The following PAPLN variants were observed in gnomAD, a reference collection of about 807,000 sequenced individuals.
The protein encoded by PAPLN is papilin.
Under a neutral mutation model 159.0 loss-of-function variants are expected in PAPLN, and 146 were observed. The ratio of observed to expected loss-of-function variants is 0.92; its 90% CI spans 0.80 to 1.05. PAPLN has a LOEUF of 1.05. PAPLN is among the 50% of genes least tolerant of loss of function. The pLI, the probability that PAPLN is intolerant of heterozygous loss-of-function variation, is 0.00. For synonymous variants in PAPLN, 734 were observed against 702.9 expected (o/e 1.04, Z -0.70); for missense variants, 1,720 against 1,743.9 (o/e 0.99, Z 0.24).
Position 73,245,948 on chromosome 14 carries a change from A to G in PAPLN, c.232-125A>G. 1 of 1,035,554 alleles carries G rather than the reference A, an allele frequency of 9.7e-7. No homozygotes were observed. Among genetic ancestry groups the G allele is most frequent in the South Asian group, 1.7e-5 (1 of 58,626 alleles). The allele number at this position is 1,035,554 out of a possible 1,614,324, so 64.1% of individuals were successfully genotyped here. ...TTCGGGGGTCCGGGGGGCGGACTCC[A>G]CCTCCGGCGGCTCCGATGGGGCAGG... On this transcript the variant is annotated intron_variant, in intron 4 of 26. Coordinates refer to ENST00000644200, the MANE Select transcript of PAPLN (RefSeq NM_001365906.3). The surrounding 1 kb of genome is among the most constrained non-coding windows in gnomAD (Gnocchi z 4.2).
chr14:73,239,857 C>T (rs1209012301), intron 2 of PAPLN, 25 bp downstream of exon 2: 1 of 1,563,554 alleles, frequency 6.4e-7, no homozygotes, highest in Non-Finnish European at 8.6e-7. Flanking sequence ...GCCCCGGCCC[C>T]CGGAGGAACC....
intron 20 of PAPLN, 166 bp from the exon 21 acceptor site, chr14:73,264,045 G>A (rs1886933999): frequency 1.3e-6 from 2 of 1,534,510 alleles, no homozygotes; most frequent in African/African-American, 1.4e-5. Context: ...CCGCTGACAG[G>A]TGTGTGTGAC....
intron 19 of PAPLN, chr14:73,263,365 C>T: frequency 3.6e-6 from 2 of 550,722 alleles, no homozygotes; most frequent in Middle Eastern, 4.8e-4. Flanking sequence ...TGTGCCGTCC[C>T]TCCCGACCTC....
intron 26 of PAPLN, among the ~76,000 whole-genome samples, chr14:73,269,490 C>G (rs1234947663): frequency 2.0e-5 from 3 of 152,176 alleles, no homozygotes; most frequent in African/African-American, 7.2e-5. Context: ...CGACACAATT[C>G]TGATACCATC....
Position 73,251,703 on chromosome 14 carries a change from A to G in PAPLN, c.710A>G (p.His237Arg). The G allele has an allele frequency of 6.2e-7, 1 of 1,613,376 alleles. No homozygotes were observed. Among genetic ancestry groups the G allele is most frequent in the South Asian group, 1.1e-5 (1 of 91,076 alleles). Residue 237 changes from histidine to arginine, a missense_variant, in exon 9 of 27, where the codon CAC (histidine) becomes CGC (arginine). Physicochemically the swap from His to Arg is conservative, Grantham distance 29. Transcript: ENST00000644200. ...CGTGGGGAATACTACCTCAATGGGC[A>G]CTGGACCATCGAGGCGGCCCGGGCC... is the stretch of plus-strand genomic sequence containing the variant. ...NVRGEYYLNG[H>R]WTIEAARALP...
chr14:73,265,416 G>A lies in PAPLN; in HGVS notation c.3172G>A (p.Gly1058Ser). 6.2e-7 allele frequency: 1 copy of A among 1,612,608 alleles called. No individual in the cohort carries two copies. Among genetic ancestry groups the A allele is most frequent in the South Asian group, 1.1e-5 (1 of 91,092 alleles). ...GCCCCGGGTGGTGGATGCCAGTCCA[G>A]GCCAGCGGATCCGGATGACCTGCCG... ...NQPRVVDASP[G>S]QRIRMTCRAE... The change falls in exon 23 of 27, where the codon GGC (glycine) becomes AGC (serine). Residue 1058 changes from glycine to serine, a missense_variant. Physicochemically the swap from Gly to Ser is moderately conservative, Grantham distance 56. Coordinates refer to ENST00000644200, the MANE Select transcript of PAPLN (RefSeq NM_001365906.3). The surrounding 1 kb of genome is among the most constrained non-coding windows in gnomAD (Gnocchi z 4.1).
rs1316107259 is a variant in PAPLN, at chr14:73,245,680, G to A, written c.215G>A (p.Arg72His). 3 of 1,553,186 alleles carry A rather than the reference G, an allele frequency of 1.9e-6. No individual in the cohort carries two copies. The highest frequency in any genetic ancestry group is 1.4e-5 in the African/African-American group (1 of 73,624). Residue 72 changes from arginine to histidine, a missense_variant, in exon 4 of 27, where the codon CGC (arginine) becomes CAC (histidine). By Grantham distance (29) the Arg-to-His change is conservative (BLOSUM62 0). Coordinates refer to ENST00000644200, the MANE Select transcript of PAPLN (RefSeq NM_001365906.3). This position sits in a 1 kb window ranked among gnomAD's most constrained non-coding sequence, Gnocchi z 4.2. ...SSCVGPARSH[R>H]SCRTESCPDG... is the part of the protein sequence containing the mutation. Reference sequence around the variant, plus strand: ...TGCGTGGGCCCCGCCCGGAGCCACCGCTCTTGTCGCACGGAGGTAAAGCTC... The same window carrying A: ...TGCGTGGGCCCCGCCCGGAGCCACCACTCTTGTCGCACGGAGGTAAAGCTC...
rs372036332 is a variant in PAPLN at position 73,252,774 on chromosome 14, C to T, written c.1093C>T (p.Arg365Cys). 7.5e-5 allele frequency: 121 copies of T among 1,613,240 alleles called. No individual in the cohort carries two copies. Among genetic ancestry groups the T allele is most frequent in the Middle Eastern group, 3.3e-4 (2 of 6,058 alleles). The change falls in exon 11 of 27, where the codon CGC becomes TGC. Residue 365 changes from arginine (R) to cysteine (C), a missense_variant and splice_region_variant. Physicochemically the swap from Arg to Cys is radical, Grantham distance 180. Coordinates refer to ENST00000644200, the MANE Select transcript of PAPLN (RefSeq NM_001365906.3). ...CNLHPCPETKRWKAGPWAPCS... is the reference protein window; with the variant it reads ...CNLHPCPETKCWKAGPWAPCS... Reference sequence around the variant, plus strand: ...TCTTCACCCTTGCCCGGAGACCAAGCGGTGAGACCTTGCCAGCCCCTCTAC... The same window carrying T: ...TCTTCACCCTTGCCCGGAGACCAAGTGGTGAGACCTTGCCAGCCCCTCTAC...
chr14:73,262,933 A>C, intron 19 of PAPLN, 106 bp downstream of exon 19: 1 of 1,049,854 alleles, frequency 9.5e-7, no homozygotes. Flanking sequence ...CCCATCCCTA[A>C]CTTCTGTTTC....
chr14:73,239,423 C>A (rs1386315804), intron 1 of PAPLN, among the ~76,000 whole-genome samples: 2 of 152,230 alleles, frequency 1.3e-5, no homozygotes, highest in Admixed American at 1.3e-4. Flanking sequence ...AGGAATCTTG[C>A]TGAATTAAAA....
At chr14:73,257,647 C>A (rs1566692571) in intron 14 of PAPLN, among the ~76,000 whole-genome samples, 1 of 151,610 alleles carries the variant, frequency 6.6e-6, no homozygotes, top group Non-Finnish European at 1.5e-5. Flanking sequence ...TTTAAACATG[C>A]CAAAAAGTTG....
At position 73,255,001 on chromosome 14, in the gene PAPLN, C is replaced by T; in HGVS notation, c.1610C>T (p.Pro537Leu). ...GATGTGGAGCCTTGTAACACGCAGC[C>T]CTGTCATCTCCCCCAGGGTAAGGAC... Reference protein sequence around the residue: ...PVDVEPCNTQPCHLPQEVPSM... With the variant: ...PVDVEPCNTQLCHLPQEVPSM... Residue 537 changes from proline to leucine, a missense_variant, in exon 14 of 27, where the codon CCC (proline) becomes CTC (leucine). By Grantham distance (98) the Pro-to-Leu change is moderately conservative (BLOSUM62 -3). Transcript: ENST00000644200. 1.2e-6 allele frequency: 2 copies of T among 1,613,440 alleles called. No individual in the cohort carries two copies. The highest frequency in any genetic ancestry group is 1.7e-6 in the Non-Finnish European group (2 of 1,179,830).
At chr14:73,261,432 T>C (rs1346068073) in intron 18 of PAPLN, 138 bp downstream of exon 18, 3 of 1,279,614 alleles carry the variant, frequency 2.3e-6, no homozygotes, top group South Asian at 3.0e-5. Context: ...GATTGCCTGC[T>C]AGGTGCCAGG....
chr14:73,260,681 A>T, intron 16 of PAPLN, 28 bp from the exon 17 acceptor site: 11 of 1,421,806 alleles, frequency 7.7e-6, no homozygotes, highest in Non-Finnish European at 9.2e-6. Flanking sequence ...CAGGCTGGGC[A>T]GTGAGGGGCT....
At chr14:73,252,579 G>T (rs1306351232) in intron 10 of PAPLN, 70 bp from the exon 11 acceptor site, 4 of 1,562,674 alleles carry the variant, frequency 2.6e-6, no homozygotes, top group Admixed American at 1.8e-5. Flanking sequence ...GCAGGATGGC[G>T]CCTGGCCCAG....
At position 73,262,833 on chromosome 14, in the gene PAPLN, G is replaced by A. The variant is rs1594821602; in HGVS notation, c.2723+6G>A. The A allele has an allele frequency of 6.8e-6, 10 of 1,461,260 alleles. No homozygotes were observed. Among genetic ancestry groups the A allele is most frequent in the Non-Finnish European group, 9.0e-6 (10 of 1,107,834 alleles). The allele number at this position is 1,461,260 out of a possible 1,614,324, so 90.5% of individuals were successfully genotyped here. On this transcript the variant is annotated splice_donor_region_variant and intron_variant, in intron 19 of 26. Transcript: ENST00000644200. ...TTCCACAGCTCCTCCTACAGGTGAG[G>A]CCCACCTTCCCCAGGTGAGGGGGTT...
In PAPLN at chr14:73,253,919, C is replaced by T. The variant is rs1057077065; in HGVS notation, c.1260C>T (p.Asn420=). 2 of 1,613,010 alleles carry T rather than the reference C, an allele frequency of 1.2e-6. No homozygotes were observed. Among genetic ancestry groups the T allele is most frequent in the Non-Finnish European group, 1.7e-6 (2 of 1,179,910 alleles). ...PGKPPAIQAC[N]LQRCAAWSPE... is the part of the protein sequence containing the mutation. The stretch of plus-strand genomic sequence containing the variant: ...AGCCCCCTGCCATTCAGGCCTGTAA[C>T]CTGCAGCGCTGTGCAGCCTGGAGCC... Residue 420 remains asparagine (N), a synonymous_variant, in exon 12 of 27, where the codon AAC becomes AAT. Coordinates refer to ENST00000644200, the MANE Select transcript of PAPLN (RefSeq NM_001365906.3).
At chr14:73,266,030 A>G (rs1430727285) in intron 23 of PAPLN, among the ~76,000 whole-genome samples, 2 of 152,242 alleles carry the variant, frequency 1.3e-5, no homozygotes, top group Non-Finnish European at 2.9e-5. Flanking sequence ...TGGTTTATAC[A>G]GTTAAGCTTA....
Position 73,265,283 on chromosome 14 carries a change from G to C in PAPLN, c.3126-87G>C. 6.5e-7 allele frequency: 1 copy of C among 1,530,380 alleles called. No individual in the cohort carries two copies. The highest frequency in any genetic ancestry group is 8.7e-7 in the Non-Finnish European group (1 of 1,143,676). 94.8% of individuals were successfully genotyped at this position (1,530,380 alleles called of 1,614,324 possible). A position where few individuals can be genotyped will look rare whatever the true frequency, so the allele number is the denominator to read the frequency against. On this transcript the variant is annotated intron_variant, in intron 22 of 26. Coordinates refer to ENST00000644200, the MANE Select transcript of PAPLN (RefSeq NM_001365906.3). The surrounding 1 kb of genome is among the most constrained non-coding windows in gnomAD (Gnocchi z 4.1). Reference sequence around the variant, plus strand: ...TGAATCTGGCTGGAGAGGGAGAAGGGGCCACCAGGCTTGTGCAGAGGTGCC... The same window carrying C: ...TGAATCTGGCTGGAGAGGGAGAAGGCGCCACCAGGCTTGTGCAGAGGTGCC...
Sources: allele counts gnomAD v4.1 joint callset (sites outside exome capture counted in the v4.1 genomes callset), GRCh38; gene constraint gnomAD v4.1.1; non-coding constraint Gnocchi (gnomAD v3.1); transcripts MANE v1.5; gene names NCBI Gene and HGNC (gene_info 2026-07-23, HGNC 2026-07-21).